MTFR1: variants seen among roughly 807,000 people sequenced by gnomAD.
MTFR1 encodes chondrocyte protein with a poly-proline region.
MTFR1 carries 28 observed loss-of-function variants against 38.8 expected under a neutral mutation model. The ratio of observed to expected loss-of-function variants is 0.72; its 90% CI spans 0.53 to 0.99. The LOEUF (loss-of-function observed/expected upper bound fraction) is 0.99. Among genes scored for constraint, MTFR1 ranks in the 50% least tolerant of loss-of-function variants. MTFR1 has a pLI of 0.00. For synonymous variants in MTFR1, 145 were observed against 137.0 expected, an observed-to-expected ratio of 1.06 and a Z score of -0.41; for missense variants, 358 against 395.5, an observed-to-expected ratio of 0.91 and a Z score of 0.81.
intron 1 of MTFR1, among the ~76,000 whole-genome samples, chr8:65,662,575 G>C (rs886947653): frequency 2.1e-5 from 3 of 144,308 alleles, no homozygotes; most frequent in African/African-American, 5.0e-5. Context: ...TGGGATGTGA[G>C]GAGCCTCTCT....
intron 3 of MTFR1, among the ~76,000 whole-genome samples, chr8:65,733,699 T>C (rs1807000123): frequency 6.6e-6 from 1 of 152,194 alleles, no homozygotes; most frequent in African/African-American, 2.4e-5. Flanking sequence ...ACTGTATTAC[T>C]GCATGTAAGT....
chr8:65,646,268 A>G (rs1808962728), intron 1 of MTFR1, among the ~76,000 whole-genome samples: 1 of 152,308 alleles, frequency 6.6e-6, no homozygotes, highest in South Asian at 2.1e-4. Context: ...GAGAGGTCAC[A>G]ATTTACCTGA....
intron 3 of MTFR1, among the ~76,000 whole-genome samples, chr8:65,769,496 G>A (rs1304541755): frequency 1.3e-5 from 2 of 152,264 alleles, no homozygotes; most frequent in Non-Finnish European, 2.9e-5. Flanking sequence ...TCTATCTTGT[G>A]TAACCACGAA....
intron 4 of MTFR1, among the ~76,000 whole-genome samples, chr8:65,698,336 C>T (rs1414663151): frequency 6.6e-6 from 1 of 151,686 alleles, no homozygotes; most frequent in Non-Finnish European, 1.5e-5. Context: ...GATGGGTTTT[C>T]GCCATGTTGC....
downstream of MTFR1, among the ~76,000 whole-genome samples, chr8:65,775,606 T>A (rs1809237497): frequency 6.6e-6 from 1 of 152,212 alleles, no homozygotes; most frequent in African/African-American, 2.4e-5. Flanking sequence ...TGATCCTACG[T>A]CCTCTGTCAG....
chr8:65,739,470 C>G (rs10089128), intron 3 of MTFR1: 38,711 of 1,519,092 alleles, frequency 0.025, 623 homozygotes, highest in Non-Finnish European at 0.031. Context: ...AAATGTAAAT[C>G]TTGTTACTGT....
At chr8:65,727,345 A>G (rs1806653534) in intron 3 of MTFR1, 4 of 1,609,816 alleles carry the variant, frequency 2.5e-6, no homozygotes, top group East Asian at 2.2e-5. Context: ...TATATCTAAA[A>G]TAAGCTCTAC....
At position 65,663,360 on chromosome 8, in the gene MTFR1, T is replaced by C. The variant is rs376590448; in HGVS notation, c.-80-6513T>C. On this transcript the variant is annotated intron_variant, in intron 1 of 7. Transcript: ENST00000262146. ...TGCTCGTTAAGAGTCATCACCACTC[T>C]CTAATCTCAAGTACCCAGGGACACA... Among the ~76,000 whole-genome samples, 66 of 151,696 alleles carry C rather than the reference T, an allele frequency of 4.4e-4. No homozygotes were observed. The East Asian group carries it at 5.8e-3, about 13-fold the overall frequency.
intron 3 of MTFR1, among the ~76,000 whole-genome samples, chr8:65,765,872 G>A (rs1400551664): frequency 9.9e-5 from 15 of 152,266 alleles, no homozygotes; most frequent in South Asian, 2.1e-4. Context: ...TCTCTTATAC[G>A]TTAAAAATAA....
chr8:65,750,431 T>A (rs1807880866), intron 3 of MTFR1, among the ~76,000 whole-genome samples: 1 of 152,028 alleles, frequency 6.6e-6, no homozygotes, highest in East Asian at 1.9e-4. Context: ...GCTGTGTGTG[T>A]GTATTAGGAT....
At chr8:65,726,759 A>C in intron 3 of MTFR1, 1 of 574,210 alleles carries the variant, frequency 1.7e-6, no homozygotes, top group Non-Finnish European at 3.2e-6. Flanking sequence ...AAATTTGACA[A>C]ACACTGAAAA....
At chr8:65,712,041 T>G (rs546958468), downstream of MTFR1, among the ~76,000 whole-genome samples, 63 of 152,334 alleles carry the variant, frequency 4.1e-4, 1 homozygote, top group African/African-American at 1.4e-3. Flanking sequence ...GGCCAGACTC[T>G]TCATAACAAG....
chr8:65,730,167 A>ATT (rs1554555900), intron 3 of MTFR1, among the ~76,000 whole-genome samples: 2 of 29,172 alleles, frequency 6.9e-5, no homozygotes, highest in Non-Finnish European at 1.3e-4. Flanking sequence ...CAGGTTGCGC[A>ATT]CTTCTTTTTT....
At chr8:65,751,140 C>A (rs1807933907) in intron 3 of MTFR1, among the ~76,000 whole-genome samples, 1 of 152,120 alleles carries the variant, frequency 6.6e-6, no homozygotes, top group Admixed American at 6.5e-5. Context: ...GGTCTGAGGG[C>A]CTCATACAGG....
chr8:65,665,534 C>T (rs1221140838), intron 1 of MTFR1, among the ~76,000 whole-genome samples: 2 of 152,238 alleles, frequency 1.3e-5, no homozygotes, highest in East Asian at 3.8e-4. Context: ...GACTCACCTT[C>T]ATTAAAGAGT....
At chr8:65,733,377 T>C (rs559708776) in intron 3 of MTFR1, among the ~76,000 whole-genome samples, 59 of 152,252 alleles carry the variant, frequency 3.9e-4, no homozygotes, top group Admixed American at 1.8e-3. Context: ...ACTTACCAGA[T>C]TGTATGGTGA....
intron 3 of MTFR1, among the ~76,000 whole-genome samples, chr8:65,759,831 A>G (rs1189312207): frequency 6.6e-6 from 1 of 151,994 alleles, no homozygotes; most frequent in Non-Finnish European, 1.5e-5. Context: ...AGAAACAACC[A>G]TTGTTAACAC....
At chr8:65,762,702 AAT>A (rs1239677329) in intron 3 of MTFR1, among the ~76,000 whole-genome samples, 30 of 152,214 alleles carry the variant, frequency 2.0e-4, no homozygotes, top group Admixed American at 1.4e-3. Flanking sequence ...AATATTTTTA[AAT>A]ATGTCATACC....
At chr8:65,695,449 C>T (rs886700228) in intron 4 of MTFR1, among the ~76,000 whole-genome samples, 13 of 152,070 alleles carry the variant, frequency 8.5e-5, no homozygotes, top group Admixed American at 3.9e-4. Flanking sequence ...CCCCACCTCC[C>T]GGGTTCTATC....
Sources: allele counts gnomAD v4.1 joint callset (sites outside exome capture counted in the v4.1 genomes callset), GRCh38; gene constraint gnomAD v4.1.1; transcripts MANE v1.5; gene names NCBI Gene and HGNC (gene_info 2026-07-23, HGNC 2026-07-21).